Variants in FRMD4A observed in about 807,000 individuals in gnomAD.
FRMD4A encodes FERM domain containing 4A, also known as FERM domain-containing protein 4A.
FRMD4A carries 29 observed loss-of-function variants against 129.1 expected under a neutral mutation model. The observed-to-expected ratio is 0.22, with a 90% CI of 0.17 to 0.31. The LOEUF is 0.31. Ranked by LOEUF, FRMD4A falls within the 10% of genes least tolerant of loss-of-function variation. The probability of loss-of-function intolerance (pLI) is 1.00; values close to 1 mark genes in which losing one functional copy is unlikely to be tolerated. For missense variants in FRMD4A, 1,272 were observed against 1,375.8 expected, an observed-to-expected ratio of 0.92 and a Z score of 1.19; for synonymous variants, 634 against 571.6, an observed-to-expected ratio of 1.11 and a Z score of -1.56.
chr10:13,674,945 A>G lies in FRMD4A; in HGVS notation c.1217T>C (p.Leu406Pro). Residue 406 changes from leucine to proline, a missense_variant, in exon 16 of 25, where the codon CTG (leucine) becomes CCG (proline). By Grantham distance (98) the Leu-to-Pro change is moderately conservative. Around this residue, in one of 2 missense-constraint regions of FRMD4A, gnomAD observed 972 missense variants for 892.3 expected, o/e 1.09. Transcript: ENST00000357447. ...EALEETLRQR[L>P]EELKKLCLRE... ...GAGACACAGCTTCTTCAGTTCCTCC[A>G]GCCTCTGACGCAGGGTTTCCTCCAG... 1 of 1,614,206 alleles carries G rather than the reference A, an allele frequency of 6.2e-7. No homozygotes were observed. The highest frequency in any genetic ancestry group is 8.5e-7 in the Non-Finnish European group (1 of 1,180,018).
At chr10:13,712,247 C>T (rs191040467) in intron 12 of FRMD4A, among the ~76,000 whole-genome samples, 4 of 152,350 alleles carry the variant, frequency 2.6e-5, no homozygotes, top group African/African-American at 7.2e-5. Context: ...CTGGGCCAGG[C>T]ATGGTAGCTC....
At chr10:14,153,081 G>C (rs117036195) in intron 2 of FRMD4A, among the ~76,000 whole-genome samples, 1 of 152,160 alleles carries the variant, frequency 6.6e-6, no homozygotes, top group East Asian at 1.9e-4. Context: ...GCCCTACTGT[G>C]GTCTTTCCAA....
At chr10:13,678,589 T>C (rs2084199784) in intron 15 of FRMD4A, among the ~76,000 whole-genome samples, 1 of 152,214 alleles carries the variant, frequency 6.6e-6, no homozygotes, top group South Asian at 2.1e-4. Flanking sequence ...AGGTTGAACA[T>C]GAGCATGTGT....
At chr10:14,117,353 G>T (rs906101304) in intron 2 of FRMD4A, among the ~76,000 whole-genome samples, 1 of 152,166 alleles carries the variant, frequency 6.6e-6, no homozygotes, top group Admixed American at 6.5e-5. Flanking sequence ...AAGGAGGATG[G>T]ATCTTTTTAT....
rs372614669 is a variant in FRMD4A at position 14,146,333 on chromosome 10, C to G, written c.45+183725G>C. On this transcript the variant is annotated intron_variant, in intron 2 of 24. Coordinates refer to ENST00000357447, the MANE Select transcript of FRMD4A (RefSeq NM_018027.5). ...AGACGTGGAAAATAGCCAGGATGTC[C>G]TTTTTCTCCTAACAGTTGTGTGAGT... 3.3e-5 allele frequency among the ~76,000 whole-genome samples: 5 copies of G among 152,276 alleles called. No homozygotes were observed. The South Asian group carries it at 1.0e-3, about 32-fold the overall frequency.
Position 14,140,224 on chromosome 10 carries a change from G to C in FRMD4A, c.45+189834C>G, listed in dbSNP as rs552583887. On this transcript the variant is annotated intron_variant, in intron 2 of 24. Transcript: ENST00000357447. ...CTACAGGCGCACACCACCACACCTG[G>C]CTAATCTTCGTATTTTTTAGCAGAG... is the stretch of plus-strand genomic sequence containing the variant. Among the ~76,000 whole-genome samples the C allele has an allele frequency of 1.8e-4, 28 of 152,166 alleles. 1 individual carries two copies. The South Asian group carries it at 5.8e-3, about 32-fold the overall frequency.
rs35813128 is a variant in FRMD4A, at chr10:13,753,541, A to ATTTTT, written c.465-5727_465-5723dup. On this transcript the variant is annotated intron_variant, in intron 8 of 24. Transcript: ENST00000357447. ...ACATTGATGAAATATGTACCTTTCTATTTTTTTTTTTTTTTTTTTTTGAGA... is the reference window on the plus strand; with the variant it reads ...ACATTGATGAAATATGTACCTTTCTATTTTTTTTTTTTTTTTTTTTTTTTTTGAGA... Among the ~76,000 whole-genome samples, 102 of 115,248 alleles carry ATTTTT rather than the reference A, an allele frequency of 8.9e-4. 1 individual carries two copies. The highest frequency in any genetic ancestry group is 1.2e-3 in the Non-Finnish European group (69 of 57,894). The allele number at this position is 115,248 out of a possible 152,430, so 75.6% of individuals were successfully genotyped here. A position where few individuals can be genotyped will look rare whatever the true frequency, so the allele number is the denominator to read the frequency against.
chr10:13,722,434 G>A (rs1341019368), intron 12 of FRMD4A, among the ~76,000 whole-genome samples: 1 of 148,570 alleles, frequency 6.7e-6, no homozygotes, highest in African/African-American at 2.5e-5. Context: ...TTGTAGAGTC[G>A]AGGGTCTCTC....
At chr10:13,675,093 T>C (rs2083862535) in intron 15 of FRMD4A, 49 bp from the exon 16 acceptor site, 4 of 1,543,174 alleles carry the variant, frequency 2.6e-6, no homozygotes, top group Non-Finnish European at 2.7e-6. Context: ...GGGACACACA[T>C]CTGGACCACT....
At chr10:13,670,270 C>T in intron 17 of FRMD4A, 136 bp downstream of exon 17, 1 of 843,078 alleles carries the variant, frequency 1.2e-6, no homozygotes, top group Non-Finnish European at 1.9e-6. Flanking sequence ...GGCCAGCTCA[C>T]TCAAGAAAAG....
At chr10:14,216,912 A>G (rs1435050474) in intron 2 of FRMD4A, among the ~76,000 whole-genome samples, 9 of 152,100 alleles carry the variant, frequency 5.9e-5, no homozygotes, top group African/African-American at 2.2e-4. Context: ...TCCCAATTCC[A>G]TAATAATTCA....
chr10:14,058,731 C>T (rs1333207191), intron 2 of FRMD4A, among the ~76,000 whole-genome samples: 2 of 152,094 alleles, frequency 1.3e-5, no homozygotes, highest in African/African-American at 4.8e-5. Context: ...TACATGAGGC[C>T]CTTTGGTGGA....
At chr10:14,191,794 G>GTTTT (rs11410689) in intron 2 of FRMD4A, among the ~76,000 whole-genome samples, 1 of 133,102 alleles carries the variant, frequency 7.5e-6, no homozygotes. Context: ...TCAACTGGCT[G>GTTTT]TTTTTTTTTT....
intron 2 of FRMD4A, among the ~76,000 whole-genome samples, chr10:14,108,118 C>T (rs928927763): frequency 4.6e-5 from 7 of 152,188 alleles, no homozygotes; most frequent in African/African-American, 4.8e-5. Flanking sequence ...AATTCATTGC[C>T]AACCTGTGGG....
At chr10:14,299,692 A>C (rs1008748686) in intron 2 of FRMD4A, among the ~76,000 whole-genome samples, 2 of 152,134 alleles carry the variant, frequency 1.3e-5, no homozygotes, top group African/African-American at 4.8e-5. Flanking sequence ...TCTCCTGGGA[A>C]CTCAATGAGC....
chr10:13,864,338 C>CA (rs149602938), intron 2 of FRMD4A, among the ~76,000 whole-genome samples: 2,574 of 114,608 alleles, frequency 0.022, 123 homozygotes, highest in African/African-American at 0.078. Flanking sequence ...CATCTTGAGT[C>CA]AAAAAAAAAA....
intron 2 of FRMD4A, among the ~76,000 whole-genome samples, chr10:14,017,066 C>A (rs538036482): frequency 6.6e-6 from 1 of 152,230 alleles, no homozygotes; most frequent in Admixed American, 6.5e-5. Context: ...TTGCCCTTCC[C>A]AGCATGAGGC....
At chr10:13,742,631 C>T (rs1158236228) in intron 9 of FRMD4A, among the ~76,000 whole-genome samples, 3 of 152,208 alleles carry the variant, frequency 2.0e-5, no homozygotes, top group Non-Finnish European at 4.4e-5. Context: ...ATTATCCTGC[C>T]TCAGTCTTCC....
intron 3 of FRMD4A, among the ~76,000 whole-genome samples, chr10:13,830,264 G>C (rs987617239): frequency 6.6e-6 from 1 of 152,292 alleles, no homozygotes; most frequent in African/African-American, 2.4e-5. Context: ...CAGGAGGAAG[G>C]GTCACTACCA....
Sources: allele counts gnomAD v4.1 joint callset (sites outside exome capture counted in the v4.1 genomes callset), GRCh38; gene constraint gnomAD v4.1.1; regional missense constraint gnomAD v4.1.1; transcripts MANE v1.5; gene names NCBI Gene and HGNC (gene_info 2026-07-23, HGNC 2026-07-21).